Variants in MED12 observed in about 807,000 individuals in gnomAD.
The protein encoded by MED12 is mediator complex subunit 12.
In MED12, 10 loss-of-function variants were observed where a neutral mutation model predicts 177.7. The observed-to-expected ratio is 0.06, with a 90% CI of 0.03 to 0.10. MED12 has a LOEUF of 0.10. Ranked by LOEUF, MED12 falls within the 10% of genes least tolerant of loss-of-function variation. The pLI, the probability that MED12 is intolerant of heterozygous loss-of-function variation, is 1.00. For missense variants in MED12, 867 were observed against 1,780.8 expected (o/e 0.49, Z 9.23); for synonymous variants, 641 against 678.4 (o/e 0.94, Z 0.86).
chrX:71,123,933 T>G (rs1413050440), intron 12 of MED12, among the ~76,000 whole-genome samples: 1 of 112,738 alleles, frequency 8.9e-6, no homozygotes, highest in Non-Finnish European at 1.9e-5. Context: ...AAACAAGAGC[T>G]TGTGATTGAA....
In MED12 at chrX:71,120,356, G is replaced by A. The variant is rs189405655; in HGVS notation, c.553+186G>A. On this transcript the variant is annotated intron_variant, in intron 4 of 44. Coordinates refer to ENST00000374080, the MANE Select transcript of MED12 (RefSeq NM_005120.3). ...CATATACTGGGCTACAAAGATGTCC[G>A]GTGCATAATCTCTGCCCCTAGGATA... 1.6e-4 allele frequency among the ~76,000 whole-genome samples: 17 copies of A among 109,644 alleles called. No individual in the cohort carries two copies. In the East Asian group the frequency reaches 3.7e-3, roughly 24 times the overall value.
rs984274747 is a variant in MED12, at chrX:71,119,366, G to T, written c.100-7G>T. 1 of 1,181,747 alleles carries T rather than the reference G, an allele frequency of 8.5e-7. No individual in the cohort carries two copies. The highest frequency in any genetic ancestry group is 1.1e-6 in the Non-Finnish European group (1 of 876,500). On this transcript the variant is annotated splice_region_variant and splice_polypyrimidine_tract_variant and intron_variant, in intron 1 of 44. Transcript: ENST00000374080. Reference sequence around the variant, plus strand: ...AAAAACAACTAAACGCCGCTTTCCTGCCTCAGGATGAACTGACGGCCTTGA... The same window carrying T: ...AAAAACAACTAAACGCCGCTTTCCTTCCTCAGGATGAACTGACGGCCTTGA...
rs761137877 is a variant in MED12 at position 71,136,631 on chromosome X, C to T, written c.5376C>T (p.Arg1792=). Residue 1792 remains arginine (R), a synonymous_variant, in exon 37 of 45, where the codon CGC becomes CGT. Transcript: ENST00000374080. ...AGAAGTCCACCAAGGGCAAGAAACG[C>T]AGCCAGCCAGCTACCAAGACAGAGG... ...RKKKSTKGKK[R]SQPATKTEDY... 1.1e-5 allele frequency: 13 copies of T among 1,208,299 alleles called. No individual in the cohort carries two copies. The highest frequency in any genetic ancestry group is 1.7e-5 in the African/African-American group (1 of 57,628).
intron 16 of MED12, 32 bp downstream of exon 16, chrX:71,125,527 C>A (rs767052600): frequency 1.9e-5 from 23 of 1,201,270 alleles, no homozygotes; most frequent in East Asian, 5.9e-5. Flanking sequence ...CAGATCTCCC[C>A]CAAAGAATGC....
At position 71,120,232 on chromosome X, in the gene MED12, T is replaced by G. The variant is rs1415955675; in HGVS notation, c.553+62T>G. The G allele has an allele frequency of 3.7e-6, 4 of 1,081,459 alleles. No homozygotes were observed. In the African/African-American group the frequency reaches 7.4e-5, roughly 20 times the overall value. 89.1% of individuals were successfully genotyped at this position (1,081,459 alleles called of 1,213,427 possible). A position where few individuals can be genotyped will look rare whatever the true frequency, so the allele number is the denominator to read the frequency against. ...CTTCAAGGAGTGATAGAGACACCCT[T>G]GGAACCATCCTCCTTCTTAATCTAG... On this transcript the variant is annotated intron_variant, in intron 4 of 44. Transcript: ENST00000374080.
intron 19 of MED12, 148 bp downstream of exon 19, chrX:71,126,632 G>T: frequency 2.6e-6 from 2 of 755,969 alleles, no homozygotes; most frequent in Non-Finnish European, 2.0e-6. Context: ...AGTGGAACAT[G>T]AGCTAAGACT....
At position 71,121,833 on chromosome X, in the gene MED12, C is replaced by T; in HGVS notation, c.1101+17C>T. The T allele has an allele frequency of 8.3e-7, 1 of 1,211,740 alleles. No homozygotes were observed. Among genetic ancestry groups the T allele is most frequent in the Non-Finnish European group, 1.1e-6 (1 of 895,453 alleles). ...ATCCTACAGGTAGGTACTAGGCGGG[C>T]CCAAGGAAGCATTGAGAGATAGCCT... On this transcript the variant is annotated intron_variant, in intron 7 of 44. Transcript: ENST00000374080.
In MED12 at chrX:71,124,171, G is replaced by A. The variant is rs2147789344; in HGVS notation, c.1757G>A (p.Ser586Asn). Residue 586 changes from serine (S) to asparagine (N), a missense_variant, in exon 13 of 45, where the codon AGT becomes AAT. Coordinates refer to ENST00000374080, the MANE Select transcript of MED12 (RefSeq NM_005120.3). The part of the protein sequence containing the change: ...TQAPMLTDPR[S>N]ESERVEFFNL... ...TCCCTTCCTCCAGCGGACCCTCGAA[G>A]TGAGAGTGAGCGGGTGGAATTCTTT... The A allele has an allele frequency of 8.3e-7, 1 of 1,210,137 alleles. No homozygotes were observed. Among genetic ancestry groups the A allele is most frequent in the Non-Finnish European group, 1.1e-6 (1 of 894,013 alleles).
chrX:71,133,159 G>A lies in MED12; in HGVS notation c.4564G>A (p.Asp1522Asn). ...NNWRDDQYLDDCKPKQLMHEA... is the reference protein window; with the variant it reads ...NNWRDDQYLDNCKPKQLMHEA... ...TTGGCGAGATGACCAGTACTTAGAT[G>A]ATTGCAAACCAAAGCAGCTTATGCA... The change falls in exon 33 of 45, where the codon GAT becomes AAT. Residue 1522 changes from aspartate (D) to asparagine (N), a missense_variant. Asp to Asn is a conservative substitution (Grantham distance 23). This residue lies in a region of MED12 where 34 missense variants were observed against 58.9 expected (regional missense o/e 0.58). Transcript: ENST00000374080. The A allele has an allele frequency of 8.3e-7, 1 of 1,207,440 alleles. No individual in the cohort carries two copies. Among genetic ancestry groups the A allele is most frequent in the Non-Finnish European group, 1.1e-6 (1 of 891,730 alleles).
At chrX:71,119,920 G>T in intron 3 of MED12, 43 bp downstream of exon 3, 2 of 1,203,430 alleles carry the variant, frequency 1.7e-6, no homozygotes, top group Non-Finnish European at 2.3e-6. Context: ...GAGGGAGCAT[G>T]GGGTACCAAG....
chrX:71,131,125 CTTT>C (rs754896365), intron 28 of MED12, among the ~76,000 whole-genome samples: 6 of 80,251 alleles, frequency 7.5e-5, no homozygotes, highest in African/African-American at 2.0e-4. Flanking sequence ...TAAATGTAGT[CTTT>C]TTTTTTTTTT....
intron 7 of MED12, 69 bp downstream of exon 7, chrX:71,121,885 G>A: frequency 8.4e-7 from 1 of 1,190,960 alleles, no homozygotes; most frequent in Non-Finnish European, 1.1e-6. Context: ...CCATCCCAGA[G>A]AATAGGGGTA....
At chrX:71,137,493 G>A in intron 39 of MED12, 65 bp from the exon 40 acceptor site, 1 of 1,154,483 alleles carries the variant, frequency 8.7e-7, no homozygotes, top group Non-Finnish European at 1.2e-6. Context: ...CAGGGTGGGA[G>A]ACACAAGAGA....
At chrX:71,139,092 A>G (rs2092340062) in intron 41 of MED12, among the ~76,000 whole-genome samples, 1 of 112,467 alleles carries the variant, frequency 8.9e-6, no homozygotes. Context: ...AAGAATCTTT[A>G]CTATAGCTGG....
rs2092346657 is a variant in MED12 at position 71,141,227 on chromosome X, T to TAGCAGCAGCAGCAACAGCAACAGC, written c.6279_6302dup. 2 of 1,152,805 alleles carry TAGCAGCAGCAGCAACAGCAACAGC rather than the reference T, an allele frequency of 1.7e-6. No homozygotes were observed. The highest frequency in any genetic ancestry group is 5.4e-5 in the Admixed American group (2 of 37,341). Reference sequence around the variant, plus strand: ...TTCTGAAGTATCTTTTGTGTTCTTATAGCAGCAGCAGCAACAGCAACAGCA... The same window carrying TAGCAGCAGCAGCAACAGCAACAGC: ...TTCTGAAGTATCTTTTGTGTTCTTATAGCAGCAGCAGCAACAGCAACAGCAGCAGCAGCAGCAACAGCAACAGCA... On this transcript the variant is annotated splice_region_variant and splice_polypyrimidine_tract_variant and intron_variant, in intron 42 of 44. Coordinates refer to ENST00000374080, the MANE Select transcript of MED12 (RefSeq NM_005120.3).
chrX:71,120,460 G>A (rs1208461050), intron 4 of MED12, among the ~76,000 whole-genome samples: 5 of 110,303 alleles, frequency 4.5e-5, no homozygotes, highest in African/African-American at 1.7e-4. Flanking sequence ...GTCAAGCTAG[G>A]AGCAGAAGGT....
Position 71,127,864 on chromosome X carries a change from C to T in MED12, c.2982-29C>T, listed in dbSNP as rs748159250. The T allele has an allele frequency of 1.2e-5, 14 of 1,135,846 alleles. No homozygotes were observed. The Admixed American group carries it at 2.9e-4, about 23-fold the overall frequency. The allele number at this position is 1,135,846 out of a possible 1,213,427, so 93.6% of individuals were successfully genotyped here. Reference sequence around the variant, plus strand: ...CGACCTCAGCAGGCCTTCTTCAACACTACTATCTCCTTTCCTCCATCCCTG... The same window carrying T: ...CGACCTCAGCAGGCCTTCTTCAACATTACTATCTCCTTTCCTCCATCCCTG... On this transcript the variant is annotated intron_variant, in intron 21 of 44. Coordinates refer to ENST00000374080, the MANE Select transcript of MED12 (RefSeq NM_005120.3).
In MED12 at chrX:71,126,373, C is replaced by T. The variant is rs776541226; in HGVS notation, c.2574C>T (p.Ser858=). Residue 858 remains serine, a synonymous_variant, in exon 19 of 45, where the codon AGC becomes AGT. Coordinates refer to ENST00000374080, the MANE Select transcript of MED12 (RefSeq NM_005120.3). ...VSRNVLEQIT[S]FALGMSYHLP... is the part of the protein sequence containing the mutation. ...GGAATGTTCTGGAGCAGATCACGAG[C>T]TTTGCCCTTGGCATGTCATACCACT... 10 of 1,210,641 alleles carry T rather than the reference C, an allele frequency of 8.3e-6. No individual in the cohort carries two copies. In the South Asian group the frequency reaches 1.8e-4, roughly 21 times the overall value.
chrX:71,142,307 G>T lies in MED12; in HGVS notation c.*89G>T. On this transcript the variant is annotated 3_prime_UTR_variant, in exon 45 of 45. Transcript: ENST00000374080. Reference sequence around the variant, plus strand: ...CCATTCCTGGGCTAGCACCAGTAGTGGTTGGGGCCCTCCCCTCAGGCTCCA... The same window carrying T: ...CCATTCCTGGGCTAGCACCAGTAGTTGTTGGGGCCCTCCCCTCAGGCTCCA... The T allele has an allele frequency of 1.0e-6, 1 of 973,090 alleles. No homozygotes were observed. 80.2% of individuals were successfully genotyped at this position (973,090 alleles called of 1,213,427 possible).
Sources: allele counts gnomAD v4.1 joint callset (sites outside exome capture counted in the v4.1 genomes callset), GRCh38; gene constraint gnomAD v4.1.1; regional missense constraint gnomAD v4.1.1; transcripts MANE v1.5; gene names NCBI Gene and HGNC (gene_info 2026-07-23, HGNC 2026-07-21).